The following B4GALNT3 variants were observed in gnomAD, a reference collection of about 807,000 sequenced individuals.
B4GALNT3 encodes the protein beta-1,4-N-acetylgalactosaminyltransferase 3.
B4GALNT3 carries 86 observed loss-of-function variants against 120.2 expected under a neutral mutation model. The ratio of observed to expected loss-of-function variants is 0.72; its 90% CI spans 0.60 to 0.86. The LOEUF is 0.86. B4GALNT3 is among the 40% of genes least tolerant of loss of function. B4GALNT3 has a pLI of 0.00. For synonymous variants in B4GALNT3, 518 were observed against 510.4 expected, an observed-to-expected ratio of 1.01 and a Z score of -0.20; for missense variants, 1,167 against 1,298.9, an observed-to-expected ratio of 0.90 and a Z score of 1.56.
At position 472,807 on chromosome 12, in the gene B4GALNT3, T is replaced by G. The variant is rs569030784; in HGVS notation, c.169+12262T>G. ...CTATGTTGCCTAGGCTGGTTCAAAC[T>G]CTTGGACTCAAGCAATATTTTTGCG... On this transcript the variant is annotated intron_variant, in intron 1 of 19. Coordinates refer to ENST00000266383, the MANE Select transcript of B4GALNT3 (RefSeq NM_173593.4). 4.6e-5 allele frequency among the ~76,000 whole-genome samples: 7 copies of G among 152,306 alleles called. No homozygotes were observed. In the East Asian group the frequency reaches 1.4e-3, roughly 29 times the overall value.
At chr12:528,519 G>T (rs888240644) in intron 1 of B4GALNT3, among the ~76,000 whole-genome samples, 2 of 152,066 alleles carry the variant, frequency 1.3e-5, no homozygotes, top group Admixed American at 6.5e-5. Context: ...AATTTTTCTC[G>T]CATCAAGTTC....
rs577989799 is a variant in B4GALNT3, at chr12:525,234, G to A, written c.170-9932G>A. ...AGCAGTTCTCCTGCCTCAGCCTCCC[G>A]AATAGCTGGGATTACAGGTAAGCAC... is the stretch of plus-strand genomic sequence containing the variant. On this transcript the variant is annotated intron_variant, in intron 1 of 19. Coordinates refer to ENST00000266383, the MANE Select transcript of B4GALNT3 (RefSeq NM_173593.4). Among the ~76,000 whole-genome samples the A allele has an allele frequency of 3.3e-4, 50 of 152,066 alleles. 1 individual carries two copies. The South Asian group carries it at 9.3e-3, about 28-fold the overall frequency.
At chr12:559,073 G>T (rs1947193416) in intron 18 of B4GALNT3, among the ~76,000 whole-genome samples, 1 of 152,064 alleles carries the variant, frequency 6.6e-6, no homozygotes, top group Non-Finnish European at 1.5e-5. Flanking sequence ...GTTGTTATCA[G>T]CCCATGGGCA....
rs1947240620 is a variant in B4GALNT3 at position 562,354 on chromosome 12, T to C, written c.*903T>C. 6.6e-6 allele frequency: 1 copy of C among 152,330 alleles called. No homozygotes were observed. Among genetic ancestry groups the C allele is most frequent in the Non-Finnish European group, 1.5e-5 (1 of 68,188 alleles). The allele number at this position is 152,330 out of a possible 1,614,324, so 9.4% of individuals were successfully genotyped here. A position where few individuals can be genotyped will look rare whatever the true frequency, so the allele number is the denominator to read the frequency against. On this transcript the variant is annotated 3_prime_UTR_variant, in exon 20 of 20. Transcript: ENST00000266383. This position sits in a 1 kb window ranked among gnomAD's most constrained non-coding sequence, Gnocchi z 5.2. ...ATGTGGACATATCTGTCAATTTCCTTAGGCAAGAAGCGGGTGGGGGCTGGA... is the reference window on the plus strand; with the variant it reads ...ATGTGGACATATCTGTCAATTTCCTCAGGCAAGAAGCGGGTGGGGGCTGGA...
chr12:467,880 T>G (rs924846220), intron 1 of B4GALNT3, among the ~76,000 whole-genome samples: 4 of 152,274 alleles, frequency 2.6e-5, no homozygotes, highest in Non-Finnish European at 5.9e-5. Context: ...TTGAGCGGTT[T>G]GTTTTAATTT....
intron 1 of B4GALNT3, among the ~76,000 whole-genome samples, chr12:463,222 A>G (rs1391857965): frequency 1.3e-5 from 2 of 152,234 alleles, no homozygotes; most frequent in African/African-American, 4.8e-5. Flanking sequence ...CTGGAAGAAG[A>G]GTATGGAGAG....
intron 1 of B4GALNT3, among the ~76,000 whole-genome samples, chr12:521,688 C>T (rs1485355027): frequency 2.0e-5 from 3 of 152,212 alleles, no homozygotes; most frequent in African/African-American, 4.8e-5. Flanking sequence ...CAAAATGCCA[C>T]GTTCAGTGGG....
intron 19 of B4GALNT3, among the ~76,000 whole-genome samples, chr12:560,665 G>C (rs1177340173): frequency 2.0e-5 from 3 of 152,204 alleles, no homozygotes; most frequent in South Asian, 4.1e-4. Flanking sequence ...GCAGCTGGAA[G>C]CCTTGATTTG....
chr12:486,163 G>C (rs549648837), intron 1 of B4GALNT3, among the ~76,000 whole-genome samples: 1 of 151,924 alleles, frequency 6.6e-6, no homozygotes, highest in Non-Finnish European at 1.5e-5. Context: ...CTTCCAGCAG[G>C]GGGAGGGAAA....
intron 13 of B4GALNT3, 110 bp from the exon 14 acceptor site, chr12:553,082 CCA>C: frequency 2.7e-6 from 4 of 1,470,466 alleles, no homozygotes; most frequent in Non-Finnish European, 2.8e-6. Context: ...GGATTCAACC[CCA>C]GTCTGGAGCC....
intron 1 of B4GALNT3, among the ~76,000 whole-genome samples, chr12:471,317 G>C (rs937982002): frequency 6.6e-6 from 1 of 150,816 alleles, no homozygotes; most frequent in East Asian, 2.0e-4. Context: ...CCCAGGAGGC[G>C]GAGGTTTCAG....
chr12:553,509 CCGA>C lies in B4GALNT3; in HGVS notation c.1588_1590del (p.Asp530del), dbSNP rs1256495111. On this transcript the variant is annotated inframe_deletion, in exon 14 of 20. Transcript: ENST00000266383. ...GAGCCCAGCCAAGATTCACCTCATT[CCGA>C]CAAGTGGCCTCCTGGGCACCCTGTG... 6.2e-7 allele frequency: 1 copy of C among 1,614,032 alleles called. No individual in the cohort carries two copies. The highest frequency in any genetic ancestry group is 8.5e-7 in the Non-Finnish European group (1 of 1,180,042).
chr12:552,883 G>A, intron 13 of B4GALNT3: 1 of 499,258 alleles, frequency 2.0e-6, no homozygotes, highest in Non-Finnish European at 3.6e-6. Context: ...GGGGATTAGG[G>A]CGTGGCTGGG....
chr12:523,310 A>G (rs957353520), intron 1 of B4GALNT3, among the ~76,000 whole-genome samples: 1 of 152,204 alleles, frequency 6.6e-6, no homozygotes, highest in Non-Finnish European at 1.5e-5. Flanking sequence ...TTCACTCCAC[A>G]TGCATCAAAT....
intron 1 of B4GALNT3, among the ~76,000 whole-genome samples, chr12:485,411 T>C (rs1403470392): frequency 6.6e-6 from 1 of 152,222 alleles, no homozygotes; most frequent in African/African-American, 2.4e-5. Context: ...ACATTTTCTA[T>C]CTCTACTTGG....
intron 1 of B4GALNT3, among the ~76,000 whole-genome samples, chr12:524,540 T>C (rs1287216469): frequency 1.3e-5 from 2 of 152,202 alleles, no homozygotes; most frequent in Non-Finnish European, 2.9e-5. Context: ...GAAAACTTTT[T>C]TGGCCTCAGG....
intron 1 of B4GALNT3, among the ~76,000 whole-genome samples, chr12:466,607 A>G (rs1379964612): frequency 6.6e-6 from 1 of 152,214 alleles, no homozygotes; most frequent in Non-Finnish European, 1.5e-5. Context: ...GTGGCTCTAA[A>G]GGGCACTGGG....
At chr12:506,820 TAG>T (rs1231398186) in intron 1 of B4GALNT3, among the ~76,000 whole-genome samples, 2 of 152,196 alleles carry the variant, frequency 1.3e-5, no homozygotes, top group Admixed American at 6.5e-5. Context: ...GTATCTTTAG[TAG>T]AGACGGGGTT....
Position 550,870 on chromosome 12 carries a change from C to A in B4GALNT3, c.998-52C>A. ...CCTGCTCAGGGCAGAGGACTTCAGC[C>A]CCAGTTTCGTGCTCACCCTCACCCT... On this transcript the variant is annotated intron_variant, in intron 10 of 19. Transcript: ENST00000266383. The surrounding 1 kb of genome is among the most constrained non-coding windows in gnomAD (Gnocchi z 4.1). The A allele has an allele frequency of 7.0e-7, 1 of 1,432,686 alleles. No homozygotes were observed. Among genetic ancestry groups the A allele is most frequent in the Non-Finnish European group, 9.8e-7 (1 of 1,020,378 alleles). 88.7% of individuals were successfully genotyped at this position (1,432,686 alleles called of 1,614,324 possible).
Sources: gnomAD v4.1 joint callset for allele counts (sites outside exome capture counted in the v4.1 genomes callset) on GRCh38, gnomAD v4.1.1 for gene constraint, Gnocchi (gnomAD v3.1) non-coding constraint, MANE v1.5 for transcripts, NCBI Gene and HGNC (gene_info 2026-07-23, HGNC 2026-07-21) for gene names.